MYH8: variants seen among roughly 807,000 people sequenced by gnomAD.
MYH8 encodes the protein myosin heavy chain 8.
A neutral mutation model predicts 233.2 loss-of-function variants in MYH8; 168 were observed. That is an observed-to-expected ratio of 0.72 (90% CI 0.64 to 0.82). The LOEUF is 0.82. Among genes scored for constraint, MYH8 ranks in the 40% least tolerant of loss-of-function variants. MYH8 has a pLI of 0.00. For synonymous variants in MYH8, 785 were observed against 850.6 expected, an observed-to-expected ratio of 0.92 and a Z score of 1.34; for missense variants, 1,995 against 2,327.8, an observed-to-expected ratio of 0.86 and a Z score of 2.94.
At position 10,419,563 on chromosome 17, in the gene MYH8, T is replaced by A. The variant is rs781256519; in HGVS notation, c.210+455A>T. Among the ~76,000 whole-genome samples the A allele has an allele frequency of 1.3e-5, 2 of 152,232 alleles. No individual in the cohort carries two copies. The highest frequency in any genetic ancestry group is 6.5e-5 in the Admixed American group (1 of 15,286). On this transcript the variant is annotated intron_variant, in intron 3 of 39. Transcript: ENST00000403437. This position sits in a 1 kb window ranked among gnomAD's most constrained non-coding sequence, Gnocchi z 4.0. Reference sequence around the variant, plus strand: ...ACTATCTTTTTAAAAGATTTTTTCCTCCCACATTCTCTTATCCCAGATTTA... The same window carrying A: ...ACTATCTTTTTAAAAGATTTTTTCCACCCACATTCTCTTATCCCAGATTTA...
intron 30 of MYH8, among the ~76,000 whole-genome samples, 171 bp downstream of exon 30, chr17:10,398,273 A>C (rs1467073433): frequency 3.3e-5 from 5 of 152,210 alleles, no homozygotes; most frequent in Non-Finnish European, 5.9e-5. Flanking sequence ...ATACCAATAT[A>C]ATATTGTTAT....
Position 10,399,646 on chromosome 17 carries a change from G to C in MYH8, c.3759C>G (p.Arg1253=), listed in dbSNP as rs778405318. The change falls in exon 28 of 40, where the codon CGC becomes CGG. Residue 1253 remains arginine, a synonymous_variant. Transcript: ENST00000403437. ...KAKGNLEKMC[R]SLEDQVSELK... Reference sequence around the variant, plus strand: ...GCTCACTCACTTGATCTTCTAGAGAGCGGCACATCTTTTCAAGGTTTCCCT... The same window carrying C: ...GCTCACTCACTTGATCTTCTAGAGACCGGCACATCTTTTCAAGGTTTCCCT... 4 of 1,613,940 alleles carry C rather than the reference G, an allele frequency of 2.5e-6. No individual in the cohort carries two copies. Among genetic ancestry groups the C allele is most frequent in the East Asian group, 4.5e-5 (2 of 44,880 alleles).
chr17:10,403,775 C>T (rs1478968540), intron 22 of MYH8, among the ~76,000 whole-genome samples: 1 of 152,144 alleles, frequency 6.6e-6, no homozygotes, highest in Admixed American at 6.5e-5. Flanking sequence ...CTCCCCACCC[C>T]AACTGCCCCT....
At chr17:10,391,266 G>C (rs1444837029) in intron 39 of MYH8, among the ~76,000 whole-genome samples, 1 of 152,244 alleles carries the variant, frequency 6.6e-6, no homozygotes, top group African/African-American at 2.4e-5. Flanking sequence ...TCTATGTCTA[G>C]AGGGAGAGGA....
At chr17:10,409,682 A>G (rs1336474371) in intron 15 of MYH8, 94 bp from the exon 16 acceptor site, 8 of 1,495,816 alleles carry the variant, frequency 5.3e-6, no homozygotes, top group Non-Finnish European at 7.4e-6. Context: ...GAGCACCCCA[A>G]TTAAATATAT....
intron 2 of MYH8, 38 bp downstream of exon 2, chr17:10,421,625 C>T (rs2072340496): frequency 6.6e-6 from 1 of 152,130 alleles, no homozygotes; most frequent in African/African-American, 2.4e-5. Flanking sequence ...AGACTATATC[C>T]CCTCTGTCAT....
intron 38 of MYH8, 149 bp from the exon 39 acceptor site, chr17:10,392,126 C>T: frequency 1.4e-6 from 1 of 735,048 alleles, no homozygotes; most frequent in East Asian, 2.6e-5. Context: ...AACAGTAGCA[C>T]TCTTGGTAAA....
chr17:10,400,341 T>C lies in MYH8; in HGVS notation c.3735+49A>G, dbSNP rs774597715. Reference sequence around the variant, plus strand: ...AACAATGTTTAGTGATAGAGAATAATGGGTGTTCTTACAGATGATTACCTT... The same window carrying C: ...AACAATGTTTAGTGATAGAGAATAACGGGTGTTCTTACAGATGATTACCTT... On this transcript the variant is annotated intron_variant, in intron 27 of 39. Coordinates refer to ENST00000403437, the MANE Select transcript of MYH8 (RefSeq NM_002472.3). This position sits in a 1 kb window ranked among gnomAD's most constrained non-coding sequence, Gnocchi z 4.0. 1.2e-6 allele frequency: 2 copies of C among 1,602,334 alleles called. No homozygotes were observed. The highest frequency in any genetic ancestry group is 2.2e-5 in the South Asian group (2 of 91,002).
rs2072276472 is a variant in MYH8 at position 10,415,018 on chromosome 17, C to CT, written c.805+97dup. 8.7e-7 allele frequency: 1 copy of CT among 1,153,328 alleles called. No individual in the cohort carries two copies. The allele number at this position is 1,153,328 out of a possible 1,614,324, so 71.4% of individuals were successfully genotyped here. On this transcript the variant is annotated intron_variant, in intron 9 of 39. Coordinates refer to ENST00000403437, the MANE Select transcript of MYH8 (RefSeq NM_002472.3). The surrounding 1 kb of genome is among the most constrained non-coding windows in gnomAD (Gnocchi z 4.1). ...CAGGCAGTACTGGCAGCAGACTACC[C>CT]TTTTAACAGGCTTCATGCACAGCAA...
At chr17:10,401,907 T>A in intron 22 of MYH8, 122 bp from the exon 23 acceptor site, 1 of 1,347,874 alleles carries the variant, frequency 7.4e-7, no homozygotes, top group Non-Finnish European at 1.0e-6. Context: ...TGAATATAAA[T>A]TTAATTTAAT....
chr17:10,406,548 A>C (rs1477769463), intron 19 of MYH8, 142 bp downstream of exon 19: 3 of 1,376,904 alleles, frequency 2.2e-6, no homozygotes, highest in Non-Finnish European at 2.1e-6. Flanking sequence ...AAACAATATG[A>C]TTTTCTGTTG....
rs759834838 is a variant in MYH8, at chr17:10,396,690, T to C, written c.4391A>G (p.Glu1464Gly). The C allele has an allele frequency of 6.2e-7, 1 of 1,614,256 alleles. No homozygotes were observed. Reference sequence around the variant, plus strand: ...GGCCTCAAGTTCAGCCTGAGTTTCCTCATACTTCTGCTTCCATTCTGATAG... The same window carrying C: ...GGCCTCAAGTTCAGCCTGAGTTTCCCCATACTTCTGCTTCCATTCTGATAG... ...KVLSEWKQKY[E>G]ETQAELEASQ... Residue 1464 changes from glutamate to glycine, a missense_variant, in exon 32 of 40, where the codon GAG becomes GGG. This residue lies in a region of MYH8 where 1,498 missense variants were observed against 1,680.9 expected (regional missense o/e 0.89). Coordinates refer to ENST00000403437, the MANE Select transcript of MYH8 (RefSeq NM_002472.3). This position sits in a 1 kb window ranked among gnomAD's most constrained non-coding sequence, Gnocchi z 4.2.
chr17:10,412,869 C>A, intron 12 of MYH8, 141 bp from the exon 13 acceptor site: 1 of 833,442 alleles, frequency 1.2e-6, no homozygotes, highest in Non-Finnish European at 2.0e-6. Context: ...GGTTTTCTAA[C>A]CTTAGAGCAT....
Position 10,400,295 on chromosome 17 carries a change from T to C in MYH8, c.3735+95A>G, listed in dbSNP as rs936490834. On this transcript the variant is annotated intron_variant, in intron 27 of 39. Transcript: ENST00000403437. The surrounding 1 kb of genome is among the most constrained non-coding windows in gnomAD (Gnocchi z 4.0). Reference sequence around the variant, plus strand: ...TATATTTGGTTAGAAAATATTTGAGTAGTGCTGTAAAATGCCTGCAAACAA... The same window carrying C: ...TATATTTGGTTAGAAAATATTTGAGCAGTGCTGTAAAATGCCTGCAAACAA... 1 of 1,419,342 alleles carries C rather than the reference T, an allele frequency of 7.0e-7. No homozygotes were observed. Among genetic ancestry groups the C allele is most frequent in the Non-Finnish European group, 9.9e-7 (1 of 1,014,656 alleles). The allele number at this position is 1,419,342 out of a possible 1,614,324, so 87.9% of individuals were successfully genotyped here. A position where few individuals can be genotyped will look rare whatever the true frequency, so the allele number is the denominator to read the frequency against.
rs879350086 is a variant in MYH8, at chr17:10,421,218, AAAT to A, written c.-31+442_-31+444del. Among the ~76,000 whole-genome samples, 163 of 152,380 alleles carry A rather than the reference AAAT, an allele frequency of 1.1e-3. 1 individual carries two copies. Among genetic ancestry groups the A allele is most frequent in the African/African-American group, 3.8e-3 (156 of 41,590 alleles). On this transcript the variant is annotated intron_variant, in intron 2 of 39. Coordinates refer to ENST00000403437, the MANE Select transcript of MYH8 (RefSeq NM_002472.3). ...ATGTAATACTTGCGACCTGTTAAGT[AAAT>A]AATAATAAGTCTTTCTAACAACAAA...
chr17:10,401,516 T>TACA, intron 23 of MYH8, 27 bp downstream of exon 23: 1 of 1,614,220 alleles, frequency 6.2e-7, no homozygotes, highest in Non-Finnish European at 8.5e-7. Flanking sequence ...AGAACCTCTA[T>TACA]ACAGTATTGT....
chr17:10,398,994 G>GTATGTA, intron 28 of MYH8, 108 bp from the exon 29 acceptor site: 1 of 311,542 alleles, frequency 3.2e-6, no homozygotes, highest in Non-Finnish European at 5.8e-6. Flanking sequence ...ATGTGTGTGT[G>GTATGTA]TATATATATA....
In MYH8 at chr17:10,406,858, T is replaced by C. The variant is rs976089473; in HGVS notation, c.2053+34A>G. 3.1e-6 allele frequency: 5 copies of C among 1,611,550 alleles called. No individual in the cohort carries two copies. The African/African-American group carries it at 5.3e-5, about 17-fold the overall frequency. The stretch of plus-strand genomic sequence containing the variant: ...AGTGGGCATTTAACTTTCAAACCTG[T>C]GCCCGTTTGATTATTTCACTCTCTG... On this transcript the variant is annotated intron_variant, in intron 18 of 39. Coordinates refer to ENST00000403437, the MANE Select transcript of MYH8 (RefSeq NM_002472.3).
At chr17:10,395,094 T>C in intron 34 of MYH8, 39 bp downstream of exon 34, 1 of 1,610,440 alleles carries the variant, frequency 6.2e-7, no homozygotes, top group Non-Finnish European at 8.5e-7. Flanking sequence ...ACAGGTACTT[T>C]CCCTGCTTCA....
Sources: allele counts gnomAD v4.1 joint callset (sites outside exome capture counted in the v4.1 genomes callset), GRCh38; gene constraint gnomAD v4.1.1; regional missense constraint gnomAD v4.1.1; non-coding constraint Gnocchi (gnomAD v3.1); transcripts MANE v1.5; gene names NCBI Gene and HGNC (gene_info 2026-07-23, HGNC 2026-07-21).